The following PCSK6 variants were observed in gnomAD, a reference collection of about 807,000 sequenced individuals.
PCSK6 encodes the protein proprotein convertase subtilisin/kexin type 6, also known as paired basic amino acid cleaving enzyme 4.
A neutral mutation model predicts 123.3 loss-of-function variants in PCSK6; 85 were observed. The ratio of observed to expected loss-of-function variants is 0.69; its 90% CI spans 0.58 to 0.83. The LOEUF (loss-of-function observed/expected upper bound fraction) is 0.83, where lower values mean the gene tolerates loss of function less well. Among genes scored for constraint, PCSK6 ranks in the 40% least tolerant of loss-of-function variants. The pLI is 0.00. For missense variants in PCSK6, 1,191 were observed against 1,282.3 expected (o/e 0.93, Z 1.09); for synonymous variants, 508 against 516.0 (o/e 0.98, Z 0.21).
intron 13 of PCSK6, 82 bp from the exon 14 acceptor site, chr15:101,332,113 C>T: frequency 7.6e-7 from 1 of 1,309,852 alleles, no homozygotes; most frequent in Non-Finnish European, 1.0e-6. Flanking sequence ...TGCTGCCTGG[C>T]TCCTCCCCTG....
At chr15:101,372,243 G>T (rs538655617) in intron 11 of PCSK6, among the ~76,000 whole-genome samples, 1 of 152,124 alleles carries the variant, frequency 6.6e-6, no homozygotes, top group African/African-American at 2.4e-5. Context: ...CCACACGACC[G>T]GTGCTTGGCT....
At chr15:101,436,467 G>A (rs995942445) in intron 2 of PCSK6, among the ~76,000 whole-genome samples, 3 of 152,162 alleles carry the variant, frequency 2.0e-5, no homozygotes, top group African/African-American at 7.2e-5. Context: ...TCATCAAAGC[G>A]AAGGTTACTT....
At chr15:101,382,921 C>T (rs544798471) in intron 10 of PCSK6, among the ~76,000 whole-genome samples, 35 of 152,260 alleles carry the variant, frequency 2.3e-4, no homozygotes, top group South Asian at 4.2e-4. Flanking sequence ...CTAGCCCAAT[C>T]GATGGCCTCC....
At chr15:101,400,678 C>G (rs570683609) in intron 6 of PCSK6, among the ~76,000 whole-genome samples, 36 of 152,280 alleles carry the variant, frequency 2.4e-4, no homozygotes, top group African/African-American at 8.2e-4. Flanking sequence ...CATGGGTGTG[C>G]TCTTTTGATG....
rs145800440 is a variant in PCSK6, at chr15:101,416,715, C to T, written c.823+11177G>A. On this transcript the variant is annotated intron_variant, in intron 6 of 21. Coordinates refer to ENST00000611716, the MANE Select transcript of PCSK6 (RefSeq NM_002570.5). ...TGCACTGTGTCCTAGCCACGTCAGT[C>T]GTGGCTGAAAGGAGCCAACGTACAG... Among the ~76,000 whole-genome samples, 624 of 152,346 alleles carry T rather than the reference C, an allele frequency of 4.1e-3. 4 individuals are homozygous for T. In the East Asian group the frequency reaches 0.053, roughly 13 times the overall value.
chr15:101,408,421 C>T (rs2042842998), intron 6 of PCSK6, among the ~76,000 whole-genome samples: 1 of 152,254 alleles, frequency 6.6e-6, no homozygotes. Flanking sequence ...GAGCTAGCCT[C>T]ACCCATTCTC....
intron 13 of PCSK6, among the ~76,000 whole-genome samples, chr15:101,344,095 T>TA (rs200550412): frequency 0.021 from 3,144 of 151,976 alleles, 122 homozygotes; most frequent in African/African-American, 0.072. Context: ...AATAAATAAA[T>TA]AAAAAATTTG....
intron 6 of PCSK6, among the ~76,000 whole-genome samples, chr15:101,403,881 G>A (rs1267420799): frequency 1.3e-5 from 2 of 152,068 alleles, no homozygotes; most frequent in Non-Finnish European, 2.9e-5. Context: ...CACCACACAC[G>A]GCTAATTTTT....
intron 13 of PCSK6, among the ~76,000 whole-genome samples, chr15:101,363,831 G>T (rs1375969741): frequency 6.6e-6 from 1 of 151,712 alleles, no homozygotes; most frequent in Non-Finnish European, 1.5e-5. Context: ...GTAGAGATGG[G>T]GTTTCACCGT....
chr15:101,451,543 G>C (rs11637184), intron 1 of PCSK6, among the ~76,000 whole-genome samples: 36,320 of 151,640 alleles, frequency 0.24, 4,854 homozygotes, highest in South Asian at 0.33. Context: ...CTGCAGATGA[G>C]GCTTCTGACT....
At chr15:101,310,692 GGGT>G (rs1184502780) in intron 20 of PCSK6, among the ~76,000 whole-genome samples, 4 of 152,140 alleles carry the variant, frequency 2.6e-5, no homozygotes, top group African/African-American at 9.7e-5. Flanking sequence ...CCTCTGCTGT[GGGT>G]CAGACAAGTG....
intron 13 of PCSK6, among the ~76,000 whole-genome samples, chr15:101,338,594 C>T (rs1051058289): frequency 2.0e-5 from 3 of 152,246 alleles, no homozygotes; most frequent in African/African-American, 7.2e-5. Flanking sequence ...GTTGACCCTG[C>T]TTTCGGCAAA....
chr15:101,306,963 T>C, intron 21 of PCSK6, among the ~76,000 whole-genome samples: 1 of 152,154 alleles, frequency 6.6e-6, no homozygotes, highest in Middle Eastern at 3.2e-3. Flanking sequence ...TAGGAGTCAC[T>C]CAATAAACAG....
chr15:101,308,811 T>C (rs1460777606), intron 20 of PCSK6: 1 of 152,346 alleles, frequency 6.6e-6, no homozygotes, highest in Non-Finnish European at 1.5e-5. Context: ...AGGTTATGAC[T>C]TTCCCCACAG....
chr15:101,323,731 G>GAAA (rs11404372), intron 17 of PCSK6, among the ~76,000 whole-genome samples: 11 of 128,248 alleles, frequency 8.6e-5, no homozygotes, highest in African/African-American at 1.8e-4. Context: ...ACTCCATCTC[G>GAAA]AAAAAAAAAA....
chr15:101,321,659 G>C (rs1178511754), intron 18 of PCSK6, among the ~76,000 whole-genome samples: 3 of 152,272 alleles, frequency 2.0e-5, no homozygotes, highest in Non-Finnish European at 4.4e-5. Flanking sequence ...AGACGGGGCT[G>C]GGGGTGTGTT....
At chr15:101,480,009 A>G (rs2057832735) in intron 1 of PCSK6, among the ~76,000 whole-genome samples, 1 of 152,202 alleles carries the variant, frequency 6.6e-6, no homozygotes, top group Non-Finnish European at 1.5e-5. Flanking sequence ...GATATGTCTG[A>G]GAGTTGTCAT....
chr15:101,326,563 C>T lies in PCSK6; in HGVS notation c.2078-84G>A, dbSNP rs149612509. 458 of 1,330,314 alleles carry T rather than the reference C, an allele frequency of 3.4e-4. 4 individuals carry two copies. The African/African-American group carries it at 4.5e-3, about 13-fold the overall frequency. 82.4% of individuals were successfully genotyped at this position (1,330,314 alleles called of 1,614,324 possible). On this transcript the variant is annotated intron_variant, in intron 15 of 21. Transcript: ENST00000611716. Reference sequence around the variant, plus strand: ...CCCGCGGATCCCTGTGTCAGGATATCGCAGCTTGGCAGGGTTGGGAGACGC... The same window carrying T: ...CCCGCGGATCCCTGTGTCAGGATATTGCAGCTTGGCAGGGTTGGGAGACGC...
intron 1 of PCSK6, among the ~76,000 whole-genome samples, chr15:101,488,920 C>T (rs2058087117): frequency 6.6e-6 from 1 of 150,394 alleles, no homozygotes; most frequent in Admixed American, 6.6e-5. Flanking sequence ...CCGGAGCTCG[C>T]GCCGCCCGTC....
Sources: gnomAD v4.1 joint callset for allele counts (sites outside exome capture counted in the v4.1 genomes callset) on GRCh38, gnomAD v4.1.1 for gene constraint, MANE v1.5 for transcripts, NCBI Gene and HGNC (gene_info 2026-07-23, HGNC 2026-07-21) for gene names.